The following NR6A1 variants were observed in gnomAD, a reference collection of about 807,000 sequenced individuals.
NR6A1 encodes the protein nuclear receptor subfamily 6 group A member 1, also known as retinoic acid receptor-related testis-associated receptor.
A neutral mutation model predicts 59.1 loss-of-function variants in NR6A1; 7 were observed. The ratio of observed to expected loss-of-function variants is 0.12; its 90% CI spans 0.07 to 0.22. The LOEUF is 0.22. Among genes scored for constraint, NR6A1 ranks in the 10% least tolerant of loss-of-function variants. NR6A1 has a pLI of 1.00. For synonymous variants in NR6A1, 243 were observed against 236.1 expected, an observed-to-expected ratio of 1.03 and a Z score of -0.27; for missense variants, 468 against 611.6, an observed-to-expected ratio of 0.77 and a Z score of 2.48.
Position 124,522,758 on chromosome 9 carries a change from G to C in NR6A1, c.1390C>G (p.Leu464Val). The change falls in exon 10 of 10, where the codon CTC becomes GTC. Residue 464 changes from leucine to valine, a missense_variant. Physicochemically the swap from Leu to Val is conservative, Grantham distance 32. Transcript: ENST00000487099. The part of the protein sequence containing the change: ...MVNVPLEQLP[L>V]LFKVVLHSCK... ...GAATGCAGCACCACCTTAAAGAGGA[G>C]GGGCAGCTGCTCCAGGGGCACATTC... 6.3e-7 allele frequency: 1 copy of C among 1,594,804 alleles called. No individual in the cohort carries two copies. The highest frequency in any genetic ancestry group is 1.1e-5 in the South Asian group (1 of 87,452).
chr9:124,662,298 G>T (rs1837464306), intron 2 of NR6A1, among the ~76,000 whole-genome samples: 1 of 152,108 alleles, frequency 6.6e-6, no homozygotes, highest in Non-Finnish European at 1.5e-5. Flanking sequence ...TCACAGCAAT[G>T]GACAATATGT....
At chr9:124,630,216 T>G (rs1329373509) in intron 2 of NR6A1, among the ~76,000 whole-genome samples, 2 of 146,360 alleles carry the variant, frequency 1.4e-5, no homozygotes, top group African/African-American at 2.5e-5. Context: ...ATCAGTTTTT[T>G]TTTTTTTTTT....
intron 2 of NR6A1, among the ~76,000 whole-genome samples, chr9:124,622,684 T>C (rs905155833): frequency 2.2e-4 from 33 of 151,760 alleles, no homozygotes; most frequent in Non-Finnish European, 3.8e-4. Context: ...ATAAAGACTA[T>C]CAGGAAAAGT....
At chr9:124,683,401 A>T (rs566841474) in intron 2 of NR6A1, among the ~76,000 whole-genome samples, 1 of 152,356 alleles carries the variant, frequency 6.6e-6, no homozygotes, top group East Asian at 1.9e-4. Flanking sequence ...AGCAAGCTGG[A>T]AGTTTGGTCA....
At chr9:124,640,435 T>G (rs961533386) in intron 2 of NR6A1, among the ~76,000 whole-genome samples, 1 of 152,156 alleles carries the variant, frequency 6.6e-6, no homozygotes, top group Non-Finnish European at 1.5e-5. Context: ...AAGGTTCTCA[T>G]GTCACCCAGG....
chr9:124,532,813 T>C (rs181147617), intron 7 of NR6A1, among the ~76,000 whole-genome samples: 32 of 152,350 alleles, frequency 2.1e-4, no homozygotes, highest in Admixed American at 1.4e-3. Context: ...GCACTTGAAA[T>C]GTGGCTGGTG....
intron 2 of NR6A1, among the ~76,000 whole-genome samples, chr9:124,680,853 A>G (rs1366934788): frequency 6.6e-6 from 1 of 152,166 alleles, no homozygotes; most frequent in Non-Finnish European, 1.5e-5. Flanking sequence ...CTTTTTCACT[A>G]TGTTGACATT....
At chr9:124,638,065 C>T (rs919998026) in intron 2 of NR6A1, among the ~76,000 whole-genome samples, 1 of 151,836 alleles carries the variant, frequency 6.6e-6, no homozygotes, top group East Asian at 1.9e-4. Flanking sequence ...CTGGACAATA[C>T]AGTGAGATCC....
chr9:124,590,498 A>G (rs1415769652), intron 2 of NR6A1, among the ~76,000 whole-genome samples: 1 of 152,184 alleles, frequency 6.6e-6, no homozygotes, highest in Non-Finnish European at 1.5e-5. Flanking sequence ...AGCAACATTA[A>G]AACTATTTTT....
At chr9:124,600,360 G>A (rs1295788301) in intron 2 of NR6A1, among the ~76,000 whole-genome samples, 2 of 152,300 alleles carry the variant, frequency 1.3e-5, no homozygotes, top group Middle Eastern at 3.4e-3. Flanking sequence ...TCCTGAGAGT[G>A]GAGAAAGAAT....
chr9:124,613,728 G>A (rs1299246796), intron 2 of NR6A1, among the ~76,000 whole-genome samples: 1 of 152,050 alleles, frequency 6.6e-6, no homozygotes, highest in African/African-American at 2.4e-5. Flanking sequence ...CAATCAATAG[G>A]GGGATGGCTA....
intron 2 of NR6A1, among the ~76,000 whole-genome samples, chr9:124,561,640 G>A (rs1372259627): frequency 1.3e-5 from 2 of 151,942 alleles, no homozygotes; most frequent in Admixed American, 6.6e-5. Flanking sequence ...GGTGGGACAC[G>A]GTGGTTCACA....
At chr9:124,572,561 A>C (rs1834468767) in intron 2 of NR6A1, among the ~76,000 whole-genome samples, 1 of 152,258 alleles carries the variant, frequency 6.6e-6, no homozygotes, top group Non-Finnish European at 1.5e-5. Context: ...GAAAGTGAGA[A>C]TCAAACCTGG....
intron 2 of NR6A1, among the ~76,000 whole-genome samples, chr9:124,666,991 T>A (rs998016236): frequency 2.0e-5 from 3 of 152,090 alleles, no homozygotes; most frequent in African/African-American, 7.2e-5. Context: ...GCTTCGTATG[T>A]AGTAGCTATG....
At chr9:124,705,059 G>A (rs1839084347) in intron 2 of NR6A1, among the ~76,000 whole-genome samples, 1 of 152,172 alleles carries the variant, frequency 6.6e-6, no homozygotes, top group African/African-American at 2.4e-5. Context: ...TTTAAAATTT[G>A]CCTTGGAATT....
intron 2 of NR6A1, among the ~76,000 whole-genome samples, chr9:124,691,858 T>A (rs959532489): frequency 3.3e-5 from 5 of 152,212 alleles, no homozygotes; most frequent in African/African-American, 1.2e-4. Context: ...ACCTACCTGC[T>A]ATTATTATAG....
chr9:124,538,025 C>A, intron 6 of NR6A1, 67 bp downstream of exon 6: 2 of 1,330,498 alleles, frequency 1.5e-6, no homozygotes, highest in Non-Finnish European at 2.1e-6. Context: ...GAGCCAGGGA[C>A]GCGAGTGGGT....
intron 9 of NR6A1, among the ~76,000 whole-genome samples, chr9:124,524,352 TAA>T (rs1274533333): frequency 6.6e-6 from 1 of 152,226 alleles, no homozygotes; most frequent in Non-Finnish European, 1.5e-5. Flanking sequence ...TCATGTATCA[TAA>T]AATTCACTCT....
At chr9:124,650,057 T>C (rs1027691130) in intron 2 of NR6A1, among the ~76,000 whole-genome samples, 1 of 152,106 alleles carries the variant, frequency 6.6e-6, no homozygotes, top group East Asian at 1.9e-4. Flanking sequence ...AAAATAGAAC[T>C]ACCATATGAT....
Sources: allele counts gnomAD v4.1 joint callset (sites outside exome capture counted in the v4.1 genomes callset), GRCh38; gene constraint gnomAD v4.1.1; transcripts MANE v1.5; gene names NCBI Gene and HGNC (gene_info 2026-07-23, HGNC 2026-07-21).